The following MGST2 variants were observed in gnomAD, a reference collection of about 807,000 sequenced individuals.
The protein encoded by MGST2 is microsomal glutathione S-transferase 2.
In MGST2, 9 loss-of-function variants were observed where a neutral mutation model predicts 16.6. The ratio of observed to expected loss-of-function variants is 0.54; its 90% CI spans 0.33 to 0.95. MGST2 has a LOEUF of 0.95. Ranked by LOEUF, MGST2 falls within the 40% of genes least tolerant of loss-of-function variation. The probability of loss-of-function intolerance (pLI) is 0.03; values close to 1 mark genes in which losing one functional copy is unlikely to be tolerated. For synonymous variants in MGST2, 79 were observed against 68.0 expected (o/e 1.16, Z -0.79); for missense variants, 159 against 175.1 (o/e 0.91, Z 0.52).
chr4:139,740,516 G>C (rs1729128941), exon 6 of MGST2: 1 of 152,166 alleles, frequency 6.6e-6, no homozygotes, highest in Non-Finnish European at 1.5e-5. Flanking sequence ...AGTCTCAGCT[G>C]TCTTCAGCTG....
rs554235368 is a variant in MGST2, at chr4:139,714,903, C to T, written c.*48+10707C>T. On this transcript the variant is annotated intron_variant, in intron 5 of 5. Transcript: ENST00000616265. ...CCTTGTTAGGGAGGAAAAAGCTCCC[C>T]ATGTCCCAGGATCCTGTACATTCCT... Among the ~76,000 whole-genome samples, 10 of 152,278 alleles carry T rather than the reference C, an allele frequency of 6.6e-5. No homozygotes were observed. The South Asian group carries it at 1.5e-3, about 22-fold the overall frequency.
At chr4:139,727,206 C>T (rs1728508372) in intron 5 of MGST2, among the ~76,000 whole-genome samples, 1 of 152,210 alleles carries the variant, frequency 6.6e-6, no homozygotes, top group Non-Finnish European at 1.5e-5. Flanking sequence ...GAAAAAACAG[C>T]CTCTGACTCG....
intron 3 of MGST2, 93 bp from the exon 4 acceptor site, chr4:139,703,362 G>A (rs1376525884): frequency 9.6e-7 from 1 of 1,043,182 alleles, no homozygotes; most frequent in Non-Finnish European, 1.5e-6. Context: ...TCCAATATAT[G>A]TTTTGTGAAT....
At chr4:139,704,250 G>C (rs1277499689), downstream of MGST2, 1 of 1,440,042 alleles carries the variant, frequency 6.9e-7, no homozygotes, top group African/African-American at 1.4e-5. Context: ...TGTTTTTCTT[G>C]AAATGGCTTT....
chr4:139,710,586 T>C (rs1727698898), intron 5 of MGST2, among the ~76,000 whole-genome samples: 1 of 152,188 alleles, frequency 6.6e-6, no homozygotes, highest in Non-Finnish European at 1.5e-5. Context: ...TCCCATGTTT[T>C]CTGGGAGAGT....
At chr4:139,744,599 C>T (rs1205304695), downstream of MGST2, among the ~76,000 whole-genome samples, 3 of 152,182 alleles carry the variant, frequency 2.0e-5, no homozygotes, top group Non-Finnish European at 4.4e-5. Context: ...ATATGCATCC[C>T]ACTTTTTGAA....
At chr4:139,689,595 T>G (rs1030558633) in intron 2 of MGST2, among the ~76,000 whole-genome samples, 1 of 152,172 alleles carries the variant, frequency 6.6e-6, no homozygotes, top group Admixed American at 6.5e-5. Flanking sequence ...AAATGGCTCA[T>G]GGCAGTGTAC....
chr4:139,696,380 G>T (rs1046761791), intron 3 of MGST2, among the ~76,000 whole-genome samples: 1 of 152,174 alleles, frequency 6.6e-6, no homozygotes, highest in Non-Finnish European at 1.5e-5. Context: ...TATCATAGAA[G>T]GGTCCATGTC....
chr4:139,681,735 T>C (rs1284918066), intron 2 of MGST2, among the ~76,000 whole-genome samples: 1 of 152,242 alleles, frequency 6.6e-6, no homozygotes, highest in African/African-American at 2.4e-5. Context: ...CTTTCATTTG[T>C]ATTTATTATT....
At chr4:139,692,821 C>A (rs1726688181) in intron 2 of MGST2, among the ~76,000 whole-genome samples, 1 of 152,186 alleles carries the variant, frequency 6.6e-6, no homozygotes, top group African/African-American at 2.4e-5. Context: ...TGGACAGACA[C>A]CCAAAGGGCT....
chr4:139,694,447 G>A (rs1003523964), intron 2 of MGST2, among the ~76,000 whole-genome samples: 6 of 151,890 alleles, frequency 4.0e-5, no homozygotes, highest in Admixed American at 6.6e-5. Context: ...CAAAGAGCTC[G>A]GCCAACCTAA....
chr4:139,698,423 A>T lies in MGST2; in HGVS notation c.229+3156A>T, dbSNP rs1450739878. The T allele has an allele frequency of 2.3e-5, 34 of 1,491,184 alleles. No individual in the cohort carries two copies. The South Asian group carries it at 3.7e-4, about 16-fold the overall frequency. The allele number at this position is 1,491,184 out of a possible 1,614,324, so 92.4% of individuals were successfully genotyped here. A position where few individuals can be genotyped will look rare whatever the true frequency, so the allele number is the denominator to read the frequency against. ...TAATTTCACGGAGCGCCACAGTACC[A>T]GGCCTGTAACGATGAGGTTTCTTCA... On this transcript the variant is annotated intron_variant, in intron 3 of 4. Transcript: ENST00000265498.
chr4:139,702,843 GGTTTTTTT>G (rs1377518203), intron 3 of MGST2, among the ~76,000 whole-genome samples: 2 of 27,604 alleles, frequency 7.2e-5, no homozygotes, highest in Non-Finnish European at 1.3e-4. Flanking sequence ...TTGTGTTACT[GGTTTTTTT>G]TTTTTTTTTT....
downstream of MGST2, among the ~76,000 whole-genome samples, chr4:139,742,786 G>A (rs932528276): frequency 2.0e-5 from 3 of 152,112 alleles, no homozygotes; most frequent in Non-Finnish European, 4.4e-5. Context: ...CAGTATAATT[G>A]CCCTTGGGAA....
At chr4:139,743,737 A>G (rs573241642), downstream of MGST2, among the ~76,000 whole-genome samples, 14 of 152,312 alleles carry the variant, frequency 9.2e-5, no homozygotes, top group African/African-American at 3.4e-4. Flanking sequence ...ACTGAAGGTT[A>G]CTTTCTATAG....
the MGST2 span, among the ~76,000 whole-genome samples, chr4:139,754,385 T>C: frequency 6.6e-6 from 1 of 152,190 alleles, no homozygotes; most frequent in African/African-American, 2.4e-5. Context: ...TACCACAAAA[T>C]GATAGTCACT....
intron 5 of MGST2, among the ~76,000 whole-genome samples, chr4:139,723,444 G>A (rs1728339654): frequency 1.3e-5 from 2 of 152,194 alleles, no homozygotes; most frequent in African/African-American, 2.4e-5. Context: ...CGGAGTAGCT[G>A]GGATTACAGG....
intron 2 of MGST2, among the ~76,000 whole-genome samples, chr4:139,682,787 C>T (rs1731327810): frequency 6.6e-6 from 1 of 151,040 alleles, no homozygotes; most frequent in Admixed American, 6.6e-5. Flanking sequence ...AAACTGGGTT[C>T]TTGTCACATG....
At chr4:139,704,742 G>A (rs559226136), downstream of MGST2, among the ~76,000 whole-genome samples, 3 of 152,300 alleles carry the variant, frequency 2.0e-5, no homozygotes, top group South Asian at 6.2e-4. Flanking sequence ...CTAACACAGT[G>A]AAACCCTGTC....
Sources: gnomAD v4.1 joint callset for allele counts (sites outside exome capture counted in the v4.1 genomes callset) on GRCh38, gnomAD v4.1.1 for gene constraint, MANE v1.5 for transcripts, NCBI Gene and HGNC (gene_info 2026-07-23, HGNC 2026-07-21) for gene names.